The following C14orf132 variants were observed in gnomAD, a reference collection of about 807,000 sequenced individuals.
The protein encoded by C14orf132 is chromosome 14 open reading frame 132.
Under a neutral mutation model 5.8 loss-of-function variants are expected in C14orf132, and 6 were observed. That is an observed-to-expected ratio of 1.03 (90% CI 0.57 to 2.04). The LOEUF (loss-of-function observed/expected upper bound fraction) is 2.04, where lower values mean the gene tolerates loss of function less well. Among genes scored for constraint, C14orf132 ranks in the 30% most tolerant of loss-of-function variants. The pLI is 0.00. For synonymous variants in C14orf132, 51 were observed against 49.8 expected (o/e 1.02, Z -0.10); for missense variants, 125 against 115.8 (o/e 1.08, Z -0.37).
In C14orf132 at chr14:96,086,890, A is replaced by G; in HGVS notation, c.*155A>G. 1.3e-6 allele frequency: 1 copy of G among 746,732 alleles called. No individual in the cohort carries two copies. 46.3% of individuals were successfully genotyped at this position (746,732 alleles called of 1,614,324 possible). The stretch of plus-strand genomic sequence containing the variant: ...TTCTCCCCAGCAGCCCTGATTTCAA[A>G]TATCCCATGTTGTGGTCAAGCTGAG... On this transcript the variant is annotated 3_prime_UTR_variant, in exon 2 of 2. Transcript: ENST00000555004.
At chr14:96,065,595 C>T (rs1887507376) in intron 1 of C14orf132, among the ~76,000 whole-genome samples, 2 of 148,736 alleles carry the variant, frequency 1.3e-5, no homozygotes, top group Non-Finnish European at 3.0e-5. Flanking sequence ...CTCTCTCTTC[C>T]TCCAAAATAG....
intron 1 of C14orf132, among the ~76,000 whole-genome samples, chr14:96,055,806 A>T (rs1566826199): frequency 6.6e-6 from 1 of 152,136 alleles, no homozygotes; most frequent in Non-Finnish European, 1.5e-5. Context: ...GACCACTTAA[A>T]TCTCTTTCCT....
At position 96,091,679 on chromosome 14, in the gene C14orf132, A is replaced by G. The variant is rs1299650649; in HGVS notation, c.*4944A>G. The G allele has an allele frequency of 6.5e-6, 1 of 153,096 alleles. No homozygotes were observed. Among genetic ancestry groups the G allele is most frequent in the African/African-American group, 2.4e-5 (1 of 41,456 alleles). 9.5% of individuals were successfully genotyped at this position (153,096 alleles called of 1,614,324 possible). On this transcript the variant is annotated 3_prime_UTR_variant, in exon 2 of 2. Coordinates refer to ENST00000555004, the MANE Select transcript of C14orf132 (RefSeq NM_001252507.3). ...CCAGGGAGTTCTGCTCAGGGAGCCA[A>G]AGGGAACAGCCAGATCCTGAATGTT... is the stretch of plus-strand genomic sequence containing the variant.
In C14orf132 at chr14:96,075,338, C is replaced by T. The variant is rs180743399; in HGVS notation, c.28-11173C>T. On this transcript the variant is annotated intron_variant, in intron 1 of 1. Transcript: ENST00000555004. Reference sequence around the variant, plus strand: ...AGATTTTCTGTATAGACAATCATTTCTTCTGCAATTAGAGATAGTTTTATG... The same window carrying T: ...AGATTTTCTGTATAGACAATCATTTTTTCTGCAATTAGAGATAGTTTTATG... Among the ~76,000 whole-genome samples, 84 of 152,256 alleles carry T rather than the reference C, an allele frequency of 5.5e-4. 1 individual carries two copies. Among genetic ancestry groups the T allele is most frequent in the Non-Finnish European group, 4.0e-4 (27 of 67,982 alleles).
chr14:96,050,500 C>T (rs1886996155), intron 1 of C14orf132, among the ~76,000 whole-genome samples: 1 of 151,934 alleles, frequency 6.6e-6, no homozygotes, highest in Non-Finnish European at 1.5e-5. Flanking sequence ...CTTTCCCTGC[C>T]TCAGGCAGTT....
intron 1 of C14orf132, among the ~76,000 whole-genome samples, chr14:96,068,580 T>C (rs898106307): frequency 6.6e-6 from 1 of 152,152 alleles, no homozygotes; most frequent in African/African-American, 2.4e-5. Flanking sequence ...AGCTCTCTAT[T>C]TCTGCCTCCC....
At chr14:96,080,310 C>G (rs61521418) in intron 1 of C14orf132, among the ~76,000 whole-genome samples, 33,432 of 152,030 alleles carry the variant, frequency 0.22, 4,017 homozygotes, top group Non-Finnish European at 0.27. Flanking sequence ...CCACTGGGGA[C>G]ATGGTTGTCT....
intron 1 of C14orf132, among the ~76,000 whole-genome samples, chr14:96,054,863 C>T (rs1438290071): frequency 6.6e-6 from 1 of 152,144 alleles, no homozygotes; most frequent in Non-Finnish European, 1.5e-5. Context: ...CTAATGCATT[C>T]ACTAATGTGG....
In C14orf132 at chr14:96,092,212, G is replaced by C. The variant is rs1062709; in HGVS notation, c.*5477G>C. ...GGACATTGGTCCTCGGAGAGGCTGC[G>C]TAGGTGGTGCGGTCCCCGGGGGATT... On this transcript the variant is annotated 3_prime_UTR_variant, in exon 2 of 2. Transcript: ENST00000555004. 6 of 152,122 alleles carry C rather than the reference G, an allele frequency of 3.9e-5. No individual in the cohort carries two copies. The highest frequency in any genetic ancestry group is 6.5e-5 in the Admixed American group (1 of 15,282). 9.4% of individuals were successfully genotyped at this position (152,122 alleles called of 1,614,324 possible). A position where few individuals can be genotyped will look rare whatever the true frequency, so the allele number is the denominator to read the frequency against.
chr14:96,053,818 G>A (rs1484446532), intron 1 of C14orf132, among the ~76,000 whole-genome samples: 1 of 152,184 alleles, frequency 6.6e-6, no homozygotes, highest in African/African-American at 2.4e-5. Context: ...GAGGGATGTG[G>A]TCCCACCCAC....
intron 1 of C14orf132, among the ~76,000 whole-genome samples, chr14:96,048,151 G>A (rs1428025246): frequency 6.6e-6 from 1 of 152,190 alleles, no homozygotes; most frequent in Non-Finnish European, 1.5e-5. Context: ...TCGAGCCATT[G>A]CACTCCAGCC....
At chr14:96,072,207 A>C (rs1887732269) in intron 1 of C14orf132, among the ~76,000 whole-genome samples, 1 of 152,224 alleles carries the variant, frequency 6.6e-6, no homozygotes, top group Admixed American at 6.5e-5. Context: ...GAAACACCAC[A>C]GTGATCTCTG....
At chr14:96,083,380 A>G (rs917089693) in intron 1 of C14orf132, among the ~76,000 whole-genome samples, 1 of 152,134 alleles carries the variant, frequency 6.6e-6, no homozygotes, top group East Asian at 1.9e-4. Flanking sequence ...TGCCCCCACC[A>G]AGGATGTCCA....
At chr14:96,084,702 G>T (rs911223124) in intron 1 of C14orf132, among the ~76,000 whole-genome samples, 2 of 152,176 alleles carry the variant, frequency 1.3e-5, no homozygotes, top group African/African-American at 4.8e-5. Flanking sequence ...ATGGTAACCT[G>T]CAGCCCCCAC....
intron 1 of C14orf132, among the ~76,000 whole-genome samples, chr14:96,081,990 G>T (rs918093237): frequency 2.0e-5 from 3 of 152,096 alleles, no homozygotes; most frequent in Admixed American, 1.3e-4. Flanking sequence ...TCGCCCCCCA[G>T]GTCACCCTGT....
intron 1 of C14orf132, among the ~76,000 whole-genome samples, chr14:96,058,399 A>C (rs1230058178): frequency 1.3e-5 from 2 of 151,952 alleles, no homozygotes; most frequent in Non-Finnish European, 2.9e-5. Flanking sequence ...CCTTCTTTTA[A>C]GAATCTTGTG....
At chr14:96,076,047 A>AT (rs978213811) in intron 1 of C14orf132, among the ~76,000 whole-genome samples, 11 of 151,974 alleles carry the variant, frequency 7.2e-5, no homozygotes, top group East Asian at 1.9e-4. Flanking sequence ...TCATTTGGTG[A>AT]TTTTTTCCCA....
chr14:96,047,805 C>T (rs1324902778), intron 1 of C14orf132, among the ~76,000 whole-genome samples: 1 of 152,150 alleles, frequency 6.6e-6, no homozygotes, highest in Non-Finnish European at 1.5e-5. Context: ...CCCCTCTGCC[C>T]CTGTTCATGC....
intron 1 of C14orf132, among the ~76,000 whole-genome samples, chr14:96,055,014 A>C (rs1315736457): frequency 1.3e-5 from 2 of 152,212 alleles, no homozygotes; most frequent in African/African-American, 4.8e-5. Flanking sequence ...AGCTTAGCAC[A>C]GATATGTCAA....
Sources: allele counts gnomAD v4.1 joint callset (sites outside exome capture counted in the v4.1 genomes callset), GRCh38; gene constraint gnomAD v4.1.1; transcripts MANE v1.5; gene names NCBI Gene and HGNC (gene_info 2026-07-23, HGNC 2026-07-21).